The following DAP variants were observed in gnomAD, a reference collection of about 807,000 sequenced individuals.
DAP encodes death associated protein, also known as death-associated protein 1.
A neutral mutation model predicts 13.8 loss-of-function variants in DAP; 8 were observed. The ratio of observed to expected loss-of-function variants is 0.58; its 90% confidence interval spans 0.34 to 1.05. DAP has a LOEUF of 1.05. DAP is among the 50% of genes least tolerant of loss of function. DAP has a pLI of 0.03. For synonymous variants in DAP, 47 were observed against 47.5 expected, an observed-to-expected ratio of 0.99 and a Z score of 0.04; for missense variants, 106 against 133.2, an observed-to-expected ratio of 0.80 and a Z score of 1.01.
At chr5:10,713,490 T>A (rs1280676313) in intron 2 of DAP, among the ~76,000 whole-genome samples, 1 of 152,178 alleles carries the variant, frequency 6.6e-6, no homozygotes, top group Non-Finnish European at 1.5e-5. Context: ...ATTCATAACG[T>A]GCTTTATCTT....
intron 2 of DAP, among the ~76,000 whole-genome samples, chr5:10,713,006 G>A (rs1738890724): frequency 6.6e-6 from 1 of 152,174 alleles, no homozygotes; most frequent in Non-Finnish European, 1.5e-5. Context: ...ATGTACCCAT[G>A]AACTAGGCTG....
chr5:10,686,422 G>A (rs1194972851), intron 2 of DAP, among the ~76,000 whole-genome samples: 1 of 152,214 alleles, frequency 6.6e-6, no homozygotes, highest in African/African-American at 2.4e-5. Context: ...CTGGTCTCTT[G>A]CACCAAATAG....
chr5:10,715,683 T>C (rs939465271), intron 2 of DAP, among the ~76,000 whole-genome samples: 2 of 152,086 alleles, frequency 1.3e-5, no homozygotes, highest in African/African-American at 4.8e-5. Context: ...GTGAGTTAAC[T>C]AAGGTCTCAA....
chr5:10,739,790 C>T (rs1739710588), intron 2 of DAP, among the ~76,000 whole-genome samples: 1 of 13,582 alleles, frequency 7.4e-5, no homozygotes, highest in Non-Finnish European at 2.2e-4. Context: ...AATTAACTCA[C>T]ACACACACAC....
chr5:10,687,476 C>T (rs1443771258), intron 2 of DAP, among the ~76,000 whole-genome samples: 1 of 152,122 alleles, frequency 6.6e-6, no homozygotes. Context: ...GATTCCAACC[C>T]TCATGGGTAA....
chr5:10,737,412 C>G (rs149944448), intron 2 of DAP, among the ~76,000 whole-genome samples: 1 of 151,866 alleles, frequency 6.6e-6, no homozygotes, highest in African/African-American at 2.4e-5. Flanking sequence ...GAGAGCTGGC[C>G]GGTGCTCAGC....
At chr5:10,733,742 T>G (rs1171766849) in intron 2 of DAP, 1 of 152,246 alleles carries the variant, frequency 6.6e-6, no homozygotes, top group Non-Finnish European at 1.5e-5. Context: ...TACTACTGCA[T>G]TCACCTTTTT....
chr5:10,744,242 T>C (rs1369204509), intron 2 of DAP, among the ~76,000 whole-genome samples: 2 of 152,188 alleles, frequency 1.3e-5, no homozygotes, highest in East Asian at 1.9e-4. Flanking sequence ...CATTTGGTGT[T>C]AGGTACTCAT....
chr5:10,760,006 T>C (rs762801067), intron 1 of DAP, among the ~76,000 whole-genome samples: 4 of 152,126 alleles, frequency 2.6e-5, no homozygotes, highest in South Asian at 2.1e-4. Flanking sequence ...CCACCCTCCT[T>C]GGCCTCCCAA....
chr5:10,680,175 G>A lies in DAP; in HGVS notation c.*881C>T, dbSNP rs1737945104. 6.4e-6 allele frequency: 1 copy of A among 155,680 alleles called. No individual in the cohort carries two copies. The highest frequency in any genetic ancestry group is 2.0e-4 in the South Asian group (1 of 5,050). 9.6% of individuals were successfully genotyped at this position (155,680 alleles called of 1,614,324 possible). ...GTCTCATGTCCCTAGGGAGACAAAG[G>A]GCAGGTTTCTTATCTGGTCTTTCCA... is the stretch of plus-strand genomic sequence containing the variant. On this transcript the variant is annotated 3_prime_UTR_variant, in exon 4 of 4. Coordinates refer to ENST00000230895, the MANE Select transcript of DAP (RefSeq NM_004394.3).
chr5:10,680,067 C>G lies in DAP; in HGVS notation c.*989G>C, dbSNP rs1737942471. On this transcript the variant is annotated 3_prime_UTR_variant, in exon 4 of 4. Coordinates refer to ENST00000230895, the MANE Select transcript of DAP (RefSeq NM_004394.3). ...GCACCCAAGTGACAATGGACCCAGG[C>G]AGCTGTGCACACCAGGTGGGAGGCG... 6.5e-6 allele frequency: 1 copy of G among 152,732 alleles called. No individual in the cohort carries two copies. The highest frequency in any genetic ancestry group is 1.5e-5 in the Non-Finnish European group (1 of 68,336). 9.5% of individuals were successfully genotyped at this position (152,732 alleles called of 1,614,324 possible). A position where few individuals can be genotyped will look rare whatever the true frequency, so the allele number is the denominator to read the frequency against.
At chr5:10,733,238 G>GT (rs1334164555) in intron 2 of DAP, among the ~76,000 whole-genome samples, 2 of 150,786 alleles carry the variant, frequency 1.3e-5, no homozygotes, top group African/African-American at 4.9e-5. Flanking sequence ...CCATTCATCT[G>GT]TTGATGGGCA....
intron 2 of DAP, among the ~76,000 whole-genome samples, chr5:10,703,030 T>C (rs754732739): frequency 3.9e-5 from 6 of 152,188 alleles, no homozygotes; most frequent in Admixed American, 3.3e-4. Context: ...AACTTTCGTC[T>C]CCTTACCTAA....
At chr5:10,693,124 G>GCGCACACACACA (rs144761533) in intron 2 of DAP, among the ~76,000 whole-genome samples, 1 of 148,868 alleles carries the variant, frequency 6.7e-6, no homozygotes, top group African/African-American at 2.5e-5. Flanking sequence ...ACATGCACAC[G>GCGCACACACACA]CACACACACA....
chr5:10,712,619 G>T (rs1190099981), intron 2 of DAP, among the ~76,000 whole-genome samples: 3 of 152,160 alleles, frequency 2.0e-5, no homozygotes, highest in Admixed American at 6.5e-5. Context: ...TGGATGGGGT[G>T]GGGGAGACTG....
rs957397251 is a variant in DAP, at chr5:10,681,071, C to G, written c.294G>C (p.Gln98His). 15 of 1,597,906 alleles carry G rather than the reference C, an allele frequency of 9.4e-6. No homozygotes were observed. The highest frequency in any genetic ancestry group is 1.7e-5 in the Admixed American group (1 of 58,092). The change falls in exon 4 of 4, where the codon CAG becomes CAC. Residue 98 changes from glutamine to histidine, a missense_variant. Transcript: ENST00000230895. ...KHPSPRTQHI[Q>H]QPRK Reference sequence around the variant, plus strand: ...GACTCCAGGCTCACTTGCGTGGCTGCTGGATGTGCTGGGTTCTTGGGGAAG... The same window carrying G: ...GACTCCAGGCTCACTTGCGTGGCTGGTGGATGTGCTGGGTTCTTGGGGAAG...
intron 1 of DAP, among the ~76,000 whole-genome samples, chr5:10,750,471 G>A (rs1408294187): frequency 6.6e-6 from 1 of 152,174 alleles, no homozygotes; most frequent in Non-Finnish European, 1.5e-5. Context: ...AAATCTCCCT[G>A]CTGCCCGCAC....
At chr5:10,717,383 T>C (rs1325324822) in intron 2 of DAP, among the ~76,000 whole-genome samples, 5 of 152,220 alleles carry the variant, frequency 3.3e-5, no homozygotes, top group South Asian at 2.1e-4. Context: ...AGTGAGGGCA[T>C]TGATTGGAAA....
intron 2 of DAP, among the ~76,000 whole-genome samples, chr5:10,718,188 T>C (rs1044519800): frequency 6.6e-6 from 1 of 152,190 alleles, no homozygotes; most frequent in Non-Finnish European, 1.5e-5. Flanking sequence ...TGAGCTGACG[T>C]TGATTCCAGG....
Sources: allele counts gnomAD v4.1 joint callset (sites outside exome capture counted in the v4.1 genomes callset), GRCh38; gene constraint gnomAD v4.1.1; transcripts MANE v1.5; gene names NCBI Gene and HGNC (gene_info 2026-07-23, HGNC 2026-07-21).